Variants in IRGM observed in about 807,000 individuals in gnomAD.
IRGM encodes the protein immunity-related GTPase family M protein.
For synonymous variants in IRGM, 98 were observed against 80.6 expected (o/e 1.22, Z -1.16); for missense variants, 288 against 219.9 (o/e 1.31, Z -1.96).
chr5:150,890,888 GACT>G, intron 3 of IRGM, among the ~76,000 whole-genome samples: 1 of 152,042 alleles, frequency 6.6e-6, no homozygotes, highest in South Asian at 2.1e-4. Flanking sequence ...GCTTCACATG[GACT>G]TAAAAATGTG....
Position 150,848,190 on chromosome 5 carries a change from A to C in IRGM, c.67A>C (p.Lys23Gln). The change falls in exon 2 of 2, where the codon AAG (lysine) becomes CAG (glutamine). Residue 23 changes from lysine (K) to glutamine (Q), a missense_variant. Physicochemically the swap from Lys to Gln is moderately conservative, Grantham distance 53 (BLOSUM62 1). Coordinates refer to ENST00000522154, the MANE Select transcript of IRGM (RefSeq NM_001145805.2). ...GNLPEVISNI[K>Q]ETLKIVSRTP... is the part of the protein sequence containing the mutation. ...CTTGCCAGAGGTGATCTCTAACATC[A>C]AGGAGACTCTGAAGATAGTGTCCAG... 1.9e-6 allele frequency: 3 copies of C among 1,551,752 alleles called. No individual in the cohort carries two copies. The highest frequency in any genetic ancestry group is 2.6e-6 in the Non-Finnish European group (3 of 1,146,926).
intron 3 of IRGM, chr5:150,896,209 G>C (rs1754769491): frequency 6.2e-7 from 1 of 1,613,526 alleles, no homozygotes; most frequent in Admixed American, 1.7e-5. Context: ...TGAACTCTCT[G>C]ATGTATAATA....
intron 1 of IRGM, among the ~76,000 whole-genome samples, chr5:150,857,834 C>G (rs1394458668): frequency 6.6e-6 from 1 of 152,100 alleles, no homozygotes; most frequent in Non-Finnish European, 1.5e-5. Flanking sequence ...AGCCCTTTGT[C>G]AGATGAGTAG....
At chr5:150,857,410 A>G (rs1754073486) in intron 1 of IRGM, among the ~76,000 whole-genome samples, 1 of 151,914 alleles carries the variant, frequency 6.6e-6, no homozygotes, top group African/African-American at 2.4e-5. Context: ...ATGTGTCTTT[A>G]TAGCATGATT....
At position 150,848,419 on chromosome 5, in the gene IRGM, C is replaced by G. The variant is rs1671770411; in HGVS notation, c.296C>G (p.Thr99Arg). 1 of 1,551,730 alleles carries G rather than the reference C, an allele frequency of 6.4e-7. No homozygotes were observed. The highest frequency in any genetic ancestry group is 1.4e-5 in the African/African-American group (1 of 73,048). The part of the protein sequence containing the change: ...WDLPGTGSAT[T>R]TLENYLMEMQ... Reference sequence around the variant, plus strand: ...CTGCCTGGCACAGGGTCTGCCACCACAACCCTGGAGAACTACCTGATGGAA... The same window carrying G: ...CTGCCTGGCACAGGGTCTGCCACCAGAACCCTGGAGAACTACCTGATGGAA... Residue 99 changes from threonine to arginine, a missense_variant, in exon 2 of 2, where the codon ACA becomes AGA. Transcript: ENST00000522154.
intron 1 of IRGM, among the ~76,000 whole-genome samples, chr5:150,864,528 T>A (rs1322420723): frequency 1.3e-5 from 2 of 152,194 alleles, no homozygotes; most frequent in African/African-American, 2.4e-5. Context: ...CTCTTTACAA[T>A]TCAATCCTCT....
rs575294937 is a variant in IRGM, at chr5:150,861,821, A to G, written c.158+13167A>G. ...ATGAATATTTGCAAATATCCAGAAAAGTGGACTGTGCAGATTGAATTATTT... is the reference window on the plus strand; with the variant it reads ...ATGAATATTTGCAAATATCCAGAAAGGTGGACTGTGCAGATTGAATTATTT... On this transcript the variant is annotated intron_variant and NMD_transcript_variant, in intron 1 of 3. Coordinates refer to the IRGM transcript ENST00000520549. Among the ~76,000 whole-genome samples, 8 of 152,358 alleles carry G rather than the reference A, an allele frequency of 5.3e-5. No homozygotes were observed. In the East Asian group the frequency reaches 1.5e-3, roughly 29 times the overall value.
chr5:150,848,133 A>T lies in IRGM; in HGVS notation c.10A>T (p.Met4Leu), dbSNP rs1040621750. 1 of 1,543,860 alleles carries T rather than the reference A, an allele frequency of 6.5e-7. No individual in the cohort carries two copies. Among genetic ancestry groups the T allele is most frequent in the African/African-American group, 1.4e-5 (1 of 72,780 alleles). The change falls in exon 2 of 2, where the codon ATG (methionine) becomes TTG (leucine). Residue 4 changes from methionine (M) to leucine (L), a missense_variant. By Grantham distance (15) the Met-to-Leu change is conservative (BLOSUM62 2). Transcript: ENST00000522154. ...GGGTATTTTATTGAAGATGGAAGCCATGAATGTTGAGAAAGCCTCAGCAGA... is the reference window on the plus strand; with the variant it reads ...GGGTATTTTATTGAAGATGGAAGCCTTGAATGTTGAGAAAGCCTCAGCAGA... MEA[M>L]NVEKASADGN...
downstream of IRGM, chr5:150,848,731 C>A: frequency 2.5e-6 from 3 of 1,209,152 alleles, no homozygotes; most frequent in Non-Finnish European, 3.5e-6. Flanking sequence ...CTTTATTTCA[C>A]TGGACTCATT....
intron 3 of IRGM, among the ~76,000 whole-genome samples, chr5:150,889,642 A>G (rs951186518): frequency 1.3e-5 from 2 of 152,086 alleles, no homozygotes; most frequent in African/African-American, 4.8e-5. Flanking sequence ...ATGACAGAGA[A>G]GACATCCTTG....
intron 1 of IRGM, among the ~76,000 whole-genome samples, chr5:150,872,893 C>T (rs1754305593): frequency 6.6e-6 from 1 of 152,188 alleles, no homozygotes; most frequent in African/African-American, 2.4e-5. Context: ...AGAAGACATA[C>T]CCTTCACTAA....
At chr5:150,882,179 A>G (rs1754455162) in intron 3 of IRGM, among the ~76,000 whole-genome samples, 1 of 151,670 alleles carries the variant, frequency 6.6e-6, no homozygotes, top group South Asian at 2.1e-4. Context: ...TGATCATGAC[A>G]CTGAACTCCA....
downstream of IRGM, among the ~76,000 whole-genome samples, chr5:150,901,860 GAT>G (rs1048662529): frequency 1.3e-5 from 2 of 152,044 alleles, no homozygotes; most frequent in African/African-American, 4.8e-5. Context: ...TATGGAAAAA[GAT>G]ATTCTAAGTG....
chr5:150,865,993 G>A (rs1306561620), intron 1 of IRGM, among the ~76,000 whole-genome samples: 1 of 152,294 alleles, frequency 6.6e-6, no homozygotes, highest in Admixed American at 6.5e-5. Flanking sequence ...CTGACCTCAA[G>A]TGATCCACCC....
At chr5:150,880,502 T>G (rs1342424145) in intron 3 of IRGM, among the ~76,000 whole-genome samples, 2 of 152,206 alleles carry the variant, frequency 1.3e-5, no homozygotes, top group Non-Finnish European at 2.9e-5. Context: ...TCCCACTGAG[T>G]GTTGCCTGTG....
At chr5:150,848,984 G>A (rs1371015893), downstream of IRGM, among the ~76,000 whole-genome samples, 1 of 152,014 alleles carries the variant, frequency 6.6e-6, no homozygotes, top group Admixed American at 6.5e-5. Flanking sequence ...CATAATGAGG[G>A]TATTTTCAAA....
chr5:150,864,105 G>C (rs776957473), intron 1 of IRGM, among the ~76,000 whole-genome samples: 1 of 152,098 alleles, frequency 6.6e-6, no homozygotes, highest in Non-Finnish European at 1.5e-5. Context: ...CAGGCACAGA[G>C]CTGGAATCTA....
At chr5:150,862,836 C>A (rs899220323) in intron 1 of IRGM, among the ~76,000 whole-genome samples, 1 of 152,088 alleles carries the variant, frequency 6.6e-6, no homozygotes, top group African/African-American at 2.4e-5. Flanking sequence ...CCAGGAGGGA[C>A]CTGGGAAGTT....
At chr5:150,850,871 G>A (rs982050728), downstream of IRGM, among the ~76,000 whole-genome samples, 22 of 152,190 alleles carry the variant, frequency 1.4e-4, no homozygotes, top group Non-Finnish European at 2.4e-4. Flanking sequence ...GGAGGACTGC[G>A]AGGCAAAGAC....
Sources: gnomAD v4.1 joint callset for allele counts (sites outside exome capture counted in the v4.1 genomes callset) on GRCh38, gnomAD v4.1.1 for gene constraint, MANE v1.5 for transcripts, NCBI Gene and HGNC (gene_info 2026-07-23, HGNC 2026-07-21) for gene names.